Variants in SPDL1 observed in about 807,000 individuals in gnomAD.
SPDL1 encodes spindle apparatus coiled-coil protein 1.
Under a neutral mutation model 79.5 loss-of-function variants are expected in SPDL1, and 85 were observed. That is an observed-to-expected ratio of 1.07 (90% confidence interval 0.90 to 1.28). The LOEUF is 1.28. Among genes scored for constraint, SPDL1 ranks in the 50% most tolerant of loss-of-function variants. The pLI is 0.00. For missense variants in SPDL1, 703 were observed against 697.8 expected (o/e 1.01, Z -0.08); for synonymous variants, 269 against 240.3 (o/e 1.12, Z -1.10).
chr5:169,592,409 G>A (rs1337264365), intron 3 of SPDL1, among the ~76,000 whole-genome samples: 1 of 151,608 alleles, frequency 6.6e-6, no homozygotes, highest in African/African-American at 2.4e-5. Flanking sequence ...TAGAGACAGG[G>A]TTTCACCATG....
intron 1 of SPDL1, among the ~76,000 whole-genome samples, chr5:169,587,947 T>C (rs745917451): frequency 7.2e-5 from 11 of 152,180 alleles, no homozygotes; most frequent in Non-Finnish European, 1.2e-4. Context: ...CTCGAATTCC[T>C]GGCCTCAAGT....
intron 10 of SPDL1, 43 bp from the exon 11 acceptor site, chr5:169,601,237 T>C: frequency 1.3e-6 from 2 of 1,544,012 alleles, no homozygotes; most frequent in South Asian, 2.5e-5. Flanking sequence ...TGTGTCTTTG[T>C]TTTCTTAGAT....
intron 4 of SPDL1, 46 bp from the exon 5 acceptor site, chr5:169,594,099 A>G: frequency 6.6e-7 from 1 of 1,518,360 alleles, no homozygotes; most frequent in South Asian, 1.2e-5. Flanking sequence ...TGCCAAATGA[A>G]AGATTATTCA....
Position 169,604,210 on chromosome 5 carries a change from A to G in SPDL1, c.*3A>G. The G allele has an allele frequency of 6.4e-7, 1 of 1,573,534 alleles. No homozygotes were observed. The highest frequency in any genetic ancestry group is 2.3e-5 in the East Asian group (1 of 43,888). On this transcript the variant is annotated 3_prime_UTR_variant, in exon 12 of 12. Coordinates refer to ENST00000265295, the MANE Select transcript of SPDL1 (RefSeq NM_017785.5). ...AGACCCAGTGCCCTCAACAGTAAAG[A>G]CTTGTCTTTAATAAGAGTACGGTGC...
At chr5:169,603,647 A>C (rs1756043433) in intron 11 of SPDL1, among the ~76,000 whole-genome samples, 1 of 152,142 alleles carries the variant, frequency 6.6e-6, no homozygotes, top group African/African-American at 2.4e-5. Flanking sequence ...CGAGGTCAAG[A>C]GATCAAGACC....
intron 11 of SPDL1, among the ~76,000 whole-genome samples, chr5:169,602,378 G>A (rs1755977330): frequency 6.6e-6 from 1 of 152,172 alleles, no homozygotes; most frequent in Non-Finnish European, 1.5e-5. Context: ...GTAAAAGAAA[G>A]ATGAAGGATG....
intron 1 of SPDL1, among the ~76,000 whole-genome samples, chr5:169,584,933 C>T (rs1183154745): frequency 6.6e-6 from 1 of 151,918 alleles, no homozygotes; most frequent in African/African-American, 2.4e-5. Context: ...TGGCGTGAAC[C>T]CGGGAAGCGG....
chr5:169,598,642 G>A, intron 9 of SPDL1, 63 bp downstream of exon 9: 2 of 1,345,036 alleles, frequency 1.5e-6, no homozygotes, highest in South Asian at 1.3e-5. Context: ...GGTAGTGTCA[G>A]TGACTACAAA....
intron 8 of SPDL1, 68 bp downstream of exon 8, chr5:169,596,769 T>C: frequency 2.2e-6 from 3 of 1,347,328 alleles, no homozygotes; most frequent in Non-Finnish European, 3.0e-6. Flanking sequence ...TTGGTTTGTT[T>C]TTTAAGTTTA....
intron 7 of SPDL1, among the ~76,000 whole-genome samples, chr5:169,594,950 T>C (rs1046149145): frequency 1.3e-5 from 2 of 152,214 alleles, no homozygotes; most frequent in African/African-American, 4.8e-5. Context: ...AATCTTTCTT[T>C]GTGGAGTAGA....
At chr5:169,588,766 A>G in intron 2 of SPDL1, 191 bp downstream of exon 2, 2 of 428,944 alleles carry the variant, frequency 4.7e-6, no homozygotes, top group Non-Finnish European at 4.1e-6. Context: ...TAGTGTATTC[A>G]GAGTTTGAAA....
At chr5:169,596,850 C>G in intron 8 of SPDL1, 149 bp downstream of exon 8, 1 of 615,810 alleles carries the variant, frequency 1.6e-6, no homozygotes, top group South Asian at 2.7e-5. Flanking sequence ...TATACTTAAA[C>G]ATCCATTGGT....
intron 3 of SPDL1, among the ~76,000 whole-genome samples, chr5:169,592,432 G>T (rs1755343221): frequency 6.6e-6 from 1 of 151,878 alleles, no homozygotes; most frequent in East Asian, 1.9e-4. Context: ...GGTCAGGCTG[G>T]TCTCTAACTC....
chr5:169,603,249 C>T (rs1442769073), intron 11 of SPDL1, among the ~76,000 whole-genome samples: 1 of 152,010 alleles, frequency 6.6e-6, no homozygotes, highest in Non-Finnish European at 1.5e-5. Context: ...TTCACTATTG[C>T]ATGCTTTACA....
intron 1 of SPDL1, chr5:169,585,961 A>G (rs1754966586): frequency 6.6e-6 from 1 of 152,220 alleles, no homozygotes; most frequent in Non-Finnish European, 1.5e-5. Flanking sequence ...GGACATCACT[A>G]GCAATTCTCC....
At chr5:169,598,834 T>C (rs1477356289) in intron 9 of SPDL1, 138 bp from the exon 10 acceptor site, 1 of 1,202,122 alleles carries the variant, frequency 8.3e-7, no homozygotes, top group East Asian at 2.7e-5. Flanking sequence ...TTAAATTGTT[T>C]ATTGTTTCTT....
At chr5:169,587,268 C>G (rs1755035673) in intron 1 of SPDL1, 1 of 152,088 alleles carries the variant, frequency 6.6e-6, no homozygotes, top group Admixed American at 6.5e-5. Context: ...CAGAATGGAA[C>G]CTAGTATATA....
At chr5:169,592,360 G>C (rs538614314) in intron 3 of SPDL1, among the ~76,000 whole-genome samples, 1 of 151,358 alleles carries the variant, frequency 6.6e-6, no homozygotes, top group Non-Finnish European at 1.5e-5. Context: ...TGGGATTACA[G>C]GTGTGCGCCA....
intron 4 of SPDL1, 82 bp downstream of exon 4, chr5:169,593,630 A>C (rs779718499): frequency 8.6e-5 from 119 of 1,385,112 alleles, no homozygotes; most frequent in Non-Finnish European, 1.1e-4. Flanking sequence ...ATAATTCTTA[A>C]GAGCTAGTTT....
Sources: gnomAD v4.1 joint callset for allele counts (sites outside exome capture counted in the v4.1 genomes callset) on GRCh38, gnomAD v4.1.1 for gene constraint, MANE v1.5 for transcripts, NCBI Gene and HGNC (gene_info 2026-07-23, HGNC 2026-07-21) for gene names.